Variants in SGF29 observed in about 807,000 individuals in gnomAD.
The protein encoded by SGF29 is SAGA complex associated factor 29, also known as SAGA-associated factor 29.
Under a neutral mutation model 38.1 loss-of-function variants are expected in SGF29, and 15 were observed. The observed-to-expected ratio is 0.39, with a 90% confidence interval of 0.26 to 0.61. The LOEUF is 0.61. SGF29 is among the 20% of genes least tolerant of loss of function. The probability of loss-of-function intolerance (pLI) is 0.49; values close to 1 mark genes in which losing one functional copy is unlikely to be tolerated. For synonymous variants in SGF29, 151 were observed against 160.8 expected (o/e 0.94, Z 0.46); for missense variants, 184 against 394.6 (o/e 0.47, Z 4.52).
chr16:28,564,803 A>G, intron 1 of SGF29, among the ~76,000 whole-genome samples: 1 of 140,736 alleles, frequency 7.1e-6, no homozygotes, highest in Non-Finnish European at 1.5e-5. Flanking sequence ...ACACACACAC[A>G]CACAAACACA....
In SGF29 at chr16:28,577,981, A is replaced by T. The variant is rs540458263; in HGVS notation, c.-15-3074A>T. On this transcript the variant is annotated intron_variant, in intron 1 of 9. Coordinates refer to ENST00000317058, the MANE Select transcript of SGF29 (RefSeq NM_138414.3). ...ATTGAACTAGATGTCTTTGCTTACA[A>T]CATCTTGATTACTGTAGCTTTCTTT... is the stretch of plus-strand genomic sequence containing the variant. Among the ~76,000 whole-genome samples, 19 of 152,242 alleles carry T rather than the reference A, an allele frequency of 1.2e-4. No homozygotes were observed. In the South Asian group the frequency reaches 3.7e-3, roughly 30 times the overall value.
In SGF29 at chr16:28,571,677, A is replaced by G. The variant is rs1050820400; in HGVS notation, c.-15-9378A>G. Among the ~76,000 whole-genome samples the G allele has an allele frequency of 4.6e-5, 7 of 151,998 alleles. No individual in the cohort carries two copies. The South Asian group carries it at 1.5e-3, about 32-fold the overall frequency. On this transcript the variant is annotated intron_variant, in intron 1 of 9. Transcript: ENST00000317058. ...TGGGAGTCAGTACCATGTGGTTCAT[A>G]GTTGACGCGGTAGCTTGCAGAAGCC...
intron 4 of SGF29, 59 bp from the exon 5 acceptor site, chr16:28,589,041 G>A (rs1176625233): frequency 1.4e-5 from 22 of 1,585,374 alleles, no homozygotes; most frequent in Non-Finnish European, 1.8e-5. Context: ...AAAAATGGAA[G>A]AGAAGTCTAT....
rs1009078274 is a variant in SGF29 at position 28,590,460 on chromosome 16, T to C, written c.566+18T>C. 3.1e-6 allele frequency: 5 copies of C among 1,613,854 alleles called. No homozygotes were observed. The highest frequency in any genetic ancestry group is 4.2e-6 in the Non-Finnish European group (5 of 1,179,818). On this transcript the variant is annotated intron_variant, in intron 7 of 9. Transcript: ENST00000317058. This position sits in a 1 kb window ranked among gnomAD's most constrained non-coding sequence, Gnocchi z 8.2. ...ACCAACAAGTGAGTGACACCAACCC[T>C]GGGGCTGCTCTCTGGTCACCGAACT... is the stretch of plus-strand genomic sequence containing the variant.
At chr16:28,581,955 C>A (rs1221048106) in intron 2 of SGF29, among the ~76,000 whole-genome samples, 2 of 151,232 alleles carry the variant, frequency 1.3e-5, no homozygotes, top group African/African-American at 4.9e-5. Flanking sequence ...TATTTGATAT[C>A]TTTTCTTTCA....
intron 1 of SGF29, among the ~76,000 whole-genome samples, chr16:28,557,177 T>C (rs1328447675): frequency 2.0e-5 from 3 of 152,228 alleles, no homozygotes; most frequent in African/African-American, 7.2e-5. Flanking sequence ...GGTTAACATA[T>C]GCTTCTACCC....
intron 1 of SGF29, among the ~76,000 whole-genome samples, chr16:28,577,381 T>C (rs1319589963): frequency 6.6e-6 from 1 of 151,920 alleles, no homozygotes; most frequent in Non-Finnish European, 1.5e-5. Context: ...CCCATACTCA[T>C]TAATAGTCGC....
intron 1 of SGF29, among the ~76,000 whole-genome samples, chr16:28,565,874 TGGA>T (rs1567286551): frequency 6.6e-6 from 1 of 152,084 alleles, no homozygotes; most frequent in African/African-American, 2.4e-5. Flanking sequence ...CTGCTAGGTA[TGGA>T]GAGTAAAGTG....
At chr16:28,567,587 T>C (rs1285257535) in intron 1 of SGF29, among the ~76,000 whole-genome samples, 6 of 152,224 alleles carry the variant, frequency 3.9e-5, no homozygotes, top group Admixed American at 3.3e-4. Flanking sequence ...ACGTTCATAC[T>C]AGAAAAGGTT....
chr16:28,572,154 T>C (rs1812065765), intron 1 of SGF29, among the ~76,000 whole-genome samples: 1 of 151,820 alleles, frequency 6.6e-6, no homozygotes, highest in Non-Finnish European at 1.5e-5. Flanking sequence ...TTTTTAGTAT[T>C]TTTAGTGGAG....
chr16:28,585,740 T>A lies in SGF29; in HGVS notation c.224+20T>A. 6.2e-7 allele frequency: 1 copy of A among 1,611,192 alleles called. No individual in the cohort carries two copies. Among genetic ancestry groups the A allele is most frequent in the African/African-American group, 1.3e-5 (1 of 74,976 alleles). On this transcript the variant is annotated intron_variant, in intron 4 of 9. Transcript: ENST00000317058. ...GTGCAAGTGAGTACCGTGCACCCAC[T>A]TCATCGCCGCTCCCTCCTTTCCTGG... is the stretch of plus-strand genomic sequence containing the variant.
At chr16:28,562,043 T>A (rs1157668516) in intron 1 of SGF29, among the ~76,000 whole-genome samples, 1 of 152,204 alleles carries the variant, frequency 6.6e-6, no homozygotes, top group Non-Finnish European at 1.5e-5. Context: ...CACTACCCAG[T>A]AGGCAAAGCT....
At chr16:28,554,372 C>G (rs2046733049) in intron 1 of SGF29, among the ~76,000 whole-genome samples, 1 of 152,254 alleles carries the variant, frequency 6.6e-6, no homozygotes, top group African/African-American at 2.4e-5. Context: ...CAGCGACACG[C>G]TGGGCTCGGC....
intron 1 of SGF29, among the ~76,000 whole-genome samples, chr16:28,573,844 GGA>G (rs2046879108): frequency 6.6e-6 from 1 of 152,084 alleles, no homozygotes; most frequent in African/African-American, 2.4e-5. Flanking sequence ...AGGATATTGA[GGA>G]GAGAGGAGGT....
chr16:28,556,297 G>A (rs1324726984), intron 1 of SGF29, among the ~76,000 whole-genome samples: 1 of 152,126 alleles, frequency 6.6e-6, no homozygotes, highest in Non-Finnish European at 1.5e-5. Flanking sequence ...AGCCTCCTGA[G>A]TAGCTGGGAT....
Position 28,581,158 on chromosome 16 carries a change from A to C in SGF29, c.75+14A>C, listed in dbSNP as rs1596605228. The C allele has an allele frequency of 6.2e-7, 1 of 1,611,602 alleles. No homozygotes were observed. Among genetic ancestry groups the C allele is most frequent in the Non-Finnish European group, 8.5e-7 (1 of 1,178,538 alleles). ...AAACAAACCCAGGTAAAAAGTCACC[A>C]CCCTCCATTCCCAGATGGGAACATG... On this transcript the variant is annotated intron_variant, in intron 2 of 9. Coordinates refer to ENST00000317058, the MANE Select transcript of SGF29 (RefSeq NM_138414.3).
chr16:28,585,764 G>GCAGCCCAGCCCCCAGGAAA, intron 4 of SGF29, 44 bp downstream of exon 4: 2 of 1,576,932 alleles, frequency 1.3e-6, no homozygotes, highest in South Asian at 1.1e-5. Context: ...CTCCTTTCCT[G>GCAGCCCAGCCCCCAGGAAA]GGGGCTGGGC....
chr16:28,562,903 CAAAAAA>C (rs753973229), intron 1 of SGF29, among the ~76,000 whole-genome samples: 136 of 50,904 alleles, frequency 2.7e-3, no homozygotes, highest in Admixed American at 4.0e-3. Flanking sequence ...GACCCTGTCT[CAAAAAA>C]AAAAAAAAAA....
chr16:28,570,816 G>A (rs2046860688), intron 1 of SGF29, among the ~76,000 whole-genome samples: 1 of 151,920 alleles, frequency 6.6e-6, no homozygotes, highest in African/African-American at 2.4e-5. Flanking sequence ...GACCTCAAGT[G>A]ATTCGCCCAC....
Sources: allele counts gnomAD v4.1 joint callset (sites outside exome capture counted in the v4.1 genomes callset), GRCh38; gene constraint gnomAD v4.1.1; non-coding constraint Gnocchi (gnomAD v3.1); transcripts MANE v1.5; gene names NCBI Gene and HGNC (gene_info 2026-07-23, HGNC 2026-07-21).